Variants in NEGR1 observed in about 807,000 individuals in gnomAD.
NEGR1 encodes IgLON family member 4.
NEGR1 carries 10 observed loss-of-function variants against 40.9 expected under a neutral mutation model. That is an observed-to-expected ratio of 0.24 (90% CI 0.15 to 0.42). NEGR1 has a LOEUF of 0.42. NEGR1 is among the 10% of genes least tolerant of loss of function. The probability of loss-of-function intolerance (pLI) is 1.00; values close to 1 mark genes in which losing one functional copy is unlikely to be tolerated. For missense variants in NEGR1, 352 were observed against 438.9 expected, an observed-to-expected ratio of 0.80 and a Z score of 1.77; for synonymous variants, 185 against 166.8, an observed-to-expected ratio of 1.11 and a Z score of -0.84.
chr1:71,770,180 AG>A (rs1326839448), intron 3 of NEGR1, among the ~76,000 whole-genome samples: 1 of 152,246 alleles, frequency 6.6e-6, no homozygotes, highest in East Asian at 1.9e-4. Flanking sequence ...CAGAAGCAGT[AG>A]GATCACATGT....
chr1:71,916,325 C>T (rs1661581060), intron 2 of NEGR1, among the ~76,000 whole-genome samples: 1 of 151,958 alleles, frequency 6.6e-6, no homozygotes, highest in South Asian at 2.1e-4. Context: ...TTATGTTCTC[C>T]CTTACTAATC....
chr1:72,134,452 C>A (rs1255598418), intron 1 of NEGR1, among the ~76,000 whole-genome samples: 1 of 151,910 alleles, frequency 6.6e-6, no homozygotes, highest in Non-Finnish European at 1.5e-5. Context: ...ATTCCACCCG[C>A]CTCGGCCTCC....
At chr1:72,061,481 C>T (rs558202572) in intron 1 of NEGR1, among the ~76,000 whole-genome samples, 21 of 151,800 alleles carry the variant, frequency 1.4e-4, no homozygotes, top group African/African-American at 4.6e-4. Context: ...CATTTTCATC[C>T]ACTTAACAGT....
chr1:71,543,092 G>A (rs995207810), intron 6 of NEGR1, among the ~76,000 whole-genome samples: 3 of 151,634 alleles, frequency 2.0e-5, no homozygotes, highest in African/African-American at 4.8e-5. Context: ...ATAAAGCCAG[G>A]AACTGTTTTA....
chr1:71,533,674 T>C (rs1006201967), intron 6 of NEGR1, among the ~76,000 whole-genome samples: 6 of 151,674 alleles, frequency 4.0e-5, no homozygotes, highest in African/African-American at 1.2e-4. Context: ...AAATAAATTC[T>C]ATGGTATTTT....
At chr1:71,735,859 GA>G (rs1557632906) in intron 3 of NEGR1, among the ~76,000 whole-genome samples, 2 of 151,492 alleles carry the variant, frequency 1.3e-5, no homozygotes, top group African/African-American at 4.8e-5. Context: ...AAAGGAATTT[GA>G]AAAAAAATTA....
intron 1 of NEGR1, among the ~76,000 whole-genome samples, chr1:72,000,831 A>G: frequency 6.6e-6 from 1 of 152,148 alleles, no homozygotes; most frequent in East Asian, 1.9e-4. Context: ...AAAATGAAAG[A>G]GGAAAGAAAA....
At chr1:72,018,742 T>TATGG (rs1164149637) in intron 1 of NEGR1, among the ~76,000 whole-genome samples, 1 of 152,082 alleles carries the variant, frequency 6.6e-6, no homozygotes, top group African/African-American at 2.4e-5. Context: ...ACAAGGCCAG[T>TATGG]ATGGCTGCAG....
chr1:71,638,427 G>T (rs188009195), intron 4 of NEGR1, among the ~76,000 whole-genome samples: 25 of 152,156 alleles, frequency 1.6e-4, no homozygotes, highest in East Asian at 3.9e-4. Context: ...GTAAAGATTA[G>T]AGAATATAAA....
intron 2 of NEGR1, among the ~76,000 whole-genome samples, chr1:71,796,672 A>G (rs922796826): frequency 3.3e-5 from 5 of 152,134 alleles, no homozygotes; most frequent in African/African-American, 9.7e-5. Flanking sequence ...TATCCATCAG[A>G]AAGTTTGCAA....
intron 1 of NEGR1, among the ~76,000 whole-genome samples, chr1:72,252,922 ATGAAT>A (rs1655152429): frequency 6.6e-6 from 1 of 152,216 alleles, no homozygotes; most frequent in South Asian, 2.1e-4. Flanking sequence ...CGAAGGAAAA[ATGAAT>A]TGATGTTGCT....
intron 4 of NEGR1, among the ~76,000 whole-genome samples, chr1:71,635,474 T>C (rs917719768): frequency 1.3e-5 from 2 of 152,024 alleles, no homozygotes; most frequent in African/African-American, 4.8e-5. Flanking sequence ...GTAGTAGAGA[T>C]GCAAGATGAG....
At chr1:71,445,584 C>A (rs1040887362) in intron 6 of NEGR1, among the ~76,000 whole-genome samples, 4 of 152,076 alleles carry the variant, frequency 2.6e-5, no homozygotes, top group African/African-American at 7.2e-5. Context: ...TCTCCTAACT[C>A]TAATAAAATT....
intron 2 of NEGR1, among the ~76,000 whole-genome samples, chr1:71,835,031 C>G (rs984121123): frequency 1.3e-5 from 2 of 152,212 alleles, no homozygotes; most frequent in South Asian, 4.1e-4. Flanking sequence ...CTGATTACAG[C>G]TAGGCTTTTT....
chr1:72,282,412 A>C lies in NEGR1; in HGVS notation c.83T>G (p.Leu28Arg). ...CTGTCCAGCCGGGAGGCAGGAGGGT[A>C]GCAGGCAGCACAGGCTGAGGAGCAC... is the stretch of plus-strand genomic sequence containing the variant. ...AAVLLSLCCL[L>R]PSCLPAGQSV... is the part of the protein sequence containing the mutation. Residue 28 changes from leucine to arginine, a missense_variant, in exon 1 of 7, where the codon CTA becomes CGA. Physicochemically the swap from Leu to Arg is moderately radical, Grantham distance 102. Transcript: ENST00000357731. 6.2e-7 allele frequency: 1 copy of C among 1,613,808 alleles called. No individual in the cohort carries two copies. Among genetic ancestry groups the C allele is most frequent in the Non-Finnish European group, 8.5e-7 (1 of 1,179,938 alleles).
intron 6 of NEGR1, among the ~76,000 whole-genome samples, chr1:71,437,584 A>G (rs1646518086): frequency 6.6e-6 from 1 of 152,192 alleles, no homozygotes; most frequent in South Asian, 2.1e-4. Context: ...TAAATTTCTT[A>G]TGAAAATATT....
rs1187314951 is a variant in NEGR1, at chr1:71,756,423, AC to A, written c.535+19748del. Among the ~76,000 whole-genome samples the A allele has an allele frequency of 9.8e-4, 132 of 134,960 alleles. 2 individuals carry two copies. The highest frequency in any genetic ancestry group is 3.6e-3 in the Middle Eastern group (1 of 274). The allele number at this position is 134,960 out of a possible 152,430, so 88.5% of individuals were successfully genotyped here. On this transcript the variant is annotated intron_variant, in intron 3 of 6. Transcript: ENST00000357731. ...AAACAAAAACAAACAAAAAAAAAAA[AC>A]CAAAAAAAACCACATCAGGCCTCTA...
At chr1:71,749,265 T>A (rs1372288439) in intron 3 of NEGR1, among the ~76,000 whole-genome samples, 1 of 152,146 alleles carries the variant, frequency 6.6e-6, no homozygotes, top group Non-Finnish European at 1.5e-5. Flanking sequence ...TAATCTTGAA[T>A]AAAACACAAG....
chr1:71,852,642 G>A (rs889480682), intron 2 of NEGR1, among the ~76,000 whole-genome samples: 2 of 151,886 alleles, frequency 1.3e-5, no homozygotes, highest in East Asian at 3.9e-4. Context: ...AACAGAGAAC[G>A]GTTTGCACAG....
Sources: allele counts gnomAD v4.1 joint callset (sites outside exome capture counted in the v4.1 genomes callset), GRCh38; gene constraint gnomAD v4.1.1; transcripts MANE v1.5; gene names NCBI Gene and HGNC (gene_info 2026-07-23, HGNC 2026-07-21).